Variants in ASIC2 observed in about 807,000 individuals in gnomAD.
ASIC2 encodes acid sensing ion channel subunit 2, also known as acid-sensing ion channel 2.
Under a neutral mutation model 57.3 loss-of-function variants are expected in ASIC2, and 25 were observed. The ratio of observed to expected loss-of-function variants is 0.44; its 90% confidence interval spans 0.32 to 0.61. ASIC2 has a LOEUF of 0.61. ASIC2 is among the 20% of genes least tolerant of loss of function. The pLI, the probability that ASIC2 is intolerant of heterozygous loss-of-function variation, is 0.06. For synonymous variants in ASIC2, 319 were observed against 307.5 expected (o/e 1.04, Z -0.39); for missense variants, 641 against 738.1 (o/e 0.87, Z 1.52).
chr17:33,848,840 G>A (rs944809763), intron 1 of ASIC2, among the ~76,000 whole-genome samples: 3 of 152,094 alleles, frequency 2.0e-5, no homozygotes, highest in Admixed American at 6.5e-5. Flanking sequence ...GGGGAGGCAG[G>A]GATAAAAGTA....
intron 1 of ASIC2, among the ~76,000 whole-genome samples, chr17:33,248,829 G>A (rs1028683689): frequency 1.3e-5 from 2 of 152,184 alleles, no homozygotes; most frequent in Non-Finnish European, 2.9e-5. Context: ...AATCCTACAT[G>A]GTTTGTCCAT....
chr17:33,937,646 A>G (rs541837531), intron 1 of ASIC2, among the ~76,000 whole-genome samples: 2 of 152,130 alleles, frequency 1.3e-5, no homozygotes, highest in Non-Finnish European at 2.9e-5. Context: ...AAACTTTCCT[A>G]TGTTGGTATA....
At chr17:33,552,715 G>T (rs1374063734) in intron 1 of ASIC2, among the ~76,000 whole-genome samples, 1 of 152,244 alleles carries the variant, frequency 6.6e-6, no homozygotes, top group African/African-American at 2.4e-5. Flanking sequence ...AGATCAACCA[G>T]TGGGATTTGT....
intron 1 of ASIC2, among the ~76,000 whole-genome samples, chr17:33,138,686 C>T (rs8076001): frequency 0.3 from 45,334 of 152,062 alleles, 6,970 homozygotes; most frequent in East Asian, 0.39. Context: ...TCATATTCCT[C>T]GGAGGGCTCC....
chr17:34,005,263 C>T (rs1373866189), intron 1 of ASIC2: 1 of 152,348 alleles, frequency 6.6e-6, no homozygotes, highest in Admixed American at 6.5e-5. Context: ...TGCTCCAACC[C>T]CTTTCTCATC....
At chr17:33,993,194 G>A (rs1647929552) in intron 1 of ASIC2, among the ~76,000 whole-genome samples, 1 of 152,204 alleles carries the variant, frequency 6.6e-6, no homozygotes, top group African/African-American at 2.4e-5. Flanking sequence ...AAGTCAAGCA[G>A]AAATATAATT....
intron 1 of ASIC2, among the ~76,000 whole-genome samples, chr17:33,386,765 G>A (rs530684393): frequency 9.6e-4 from 146 of 151,900 alleles, no homozygotes; most frequent in African/African-American, 3.4e-3. Context: ...CTGATCTCTC[G>A]GCCTCATTTA....
At chr17:34,010,994 T>TCTCTCTCTCTCACACACACACACACA (rs1906701482) in intron 1 of ASIC2, among the ~76,000 whole-genome samples, 11 of 1,642 alleles carry the variant, frequency 6.7e-3, no homozygotes, top group South Asian at 0.04. Context: ...ATACCTCTAG[T>TCTCTCTCTCTCACACACACACACACA]CAGACACACA....
chr17:33,601,577 A>G (rs1388968855), intron 1 of ASIC2, among the ~76,000 whole-genome samples: 1 of 152,208 alleles, frequency 6.6e-6, no homozygotes, highest in African/African-American at 2.4e-5. Context: ...CTTAGATTTC[A>G]AATAATGTAT....
intron 3 of ASIC2, among the ~76,000 whole-genome samples, chr17:33,038,939 TTGCC>T (rs1020362955): frequency 1.3e-5 from 2 of 152,202 alleles, no homozygotes; most frequent in Admixed American, 6.5e-5. Context: ...TCCTAGGACC[TTGCC>T]AAGCTCCCTG....
chr17:33,333,830 G>C lies in ASIC2; in HGVS notation c.556-221763C>G, dbSNP rs563012453. On this transcript the variant is annotated intron_variant, in intron 1 of 9. Transcript: ENST00000359872. ...TTATGGGTATAAAGGCTCCTGTCCC[G>C]CCAGGGACAGATTTGCATTTTGCAC... Among the ~76,000 whole-genome samples the C allele has an allele frequency of 2.0e-5, 3 of 152,178 alleles. No individual in the cohort carries two copies. In the East Asian group the frequency reaches 5.8e-4, roughly 29 times the overall value.
chr17:33,439,015 T>C (rs1038526158), intron 1 of ASIC2, among the ~76,000 whole-genome samples: 2 of 152,186 alleles, frequency 1.3e-5, no homozygotes, highest in Non-Finnish European at 2.9e-5. Context: ...AGCTAATTTT[T>C]GTATTTTTAG....
At chr17:33,747,534 A>G (rs929923238) in intron 1 of ASIC2, among the ~76,000 whole-genome samples, 1 of 151,944 alleles carries the variant, frequency 6.6e-6, no homozygotes, top group Non-Finnish European at 1.5e-5. Context: ...TCCTTCCCAC[A>G]CTTTACCTGG....
intron 1 of ASIC2, among the ~76,000 whole-genome samples, chr17:33,887,543 C>T (rs763050968): frequency 1.1e-4 from 17 of 152,142 alleles, no homozygotes; most frequent in Non-Finnish European, 2.4e-4. Context: ...GGTCAGAGGC[C>T]ACTGAGGCAG....
At chr17:33,436,635 C>T (rs1218891129) in intron 1 of ASIC2, among the ~76,000 whole-genome samples, 1 of 152,086 alleles carries the variant, frequency 6.6e-6, no homozygotes, top group Non-Finnish European at 1.5e-5. Context: ...AAAACCCAGC[C>T]TTTGAGTCTC....
chr17:33,500,109 A>T (rs1914056646), intron 1 of ASIC2, among the ~76,000 whole-genome samples: 1 of 152,092 alleles, frequency 6.6e-6, no homozygotes, highest in Non-Finnish European at 1.5e-5. Context: ...ACAGAAAAAA[A>T]ATAAAATAGG....
intron 1 of ASIC2, among the ~76,000 whole-genome samples, chr17:33,646,227 A>T (rs1225855880): frequency 1.3e-5 from 2 of 152,362 alleles, no homozygotes; most frequent in Non-Finnish European, 2.9e-5. Context: ...CATGGTGCAG[A>T]GCTCTCTGAA....
chr17:33,889,249 A>G (rs1424508216), intron 1 of ASIC2, among the ~76,000 whole-genome samples: 2 of 152,126 alleles, frequency 1.3e-5, no homozygotes, highest in African/African-American at 4.8e-5. Flanking sequence ...CGTTTTTCAG[A>G]TGAAGAACCT....
chr17:33,139,951 C>T (rs1378852443), intron 1 of ASIC2, among the ~76,000 whole-genome samples: 1 of 152,214 alleles, frequency 6.6e-6, no homozygotes, highest in African/African-American at 2.4e-5. Flanking sequence ...CCCCATCTAC[C>T]TGCCGGGGTT....
Sources: gnomAD v4.1 joint callset for allele counts (sites outside exome capture counted in the v4.1 genomes callset) on GRCh38, gnomAD v4.1.1 for gene constraint, MANE v1.5 for transcripts, NCBI Gene and HGNC (gene_info 2026-07-23, HGNC 2026-07-21) for gene names.